The following PEX5L variants were observed in gnomAD, a reference collection of about 807,000 sequenced individuals.
PEX5L encodes the protein PEX5-related protein.
In PEX5L, 30 loss-of-function variants were observed where a neutral mutation model predicts 84.0. That is an observed-to-expected ratio of 0.36 (90% CI 0.27 to 0.48). PEX5L has a LOEUF of 0.48. Among genes scored for constraint, PEX5L ranks in the 20% least tolerant of loss-of-function variants. The probability of loss-of-function intolerance (pLI) is 0.99; values close to 1 mark genes in which losing one functional copy is unlikely to be tolerated. For synonymous variants in PEX5L, 270 were observed against 283.1 expected, an observed-to-expected ratio of 0.95 and a Z score of 0.46; for missense variants, 533 against 754.6, an observed-to-expected ratio of 0.71 and a Z score of 3.44.
intron 1 of PEX5L, among the ~76,000 whole-genome samples, chr3:180,009,048 T>C (rs1340238563): frequency 6.6e-6 from 1 of 152,246 alleles, no homozygotes; most frequent in East Asian, 1.9e-4. Flanking sequence ...ATTTTACTCA[T>C]CATTGCTATT....
chr3:179,956,470 T>C (rs1040781828), intron 2 of PEX5L, among the ~76,000 whole-genome samples: 1 of 152,192 alleles, frequency 6.6e-6, no homozygotes, highest in African/African-American at 2.4e-5. Flanking sequence ...TACAAGTTGC[T>C]TAGACTTCAA....
At chr3:179,895,869 T>C (rs547812038) in intron 3 of PEX5L, among the ~76,000 whole-genome samples, 187 of 152,276 alleles carry the variant, frequency 1.2e-3, no homozygotes, top group Non-Finnish European at 2.2e-3. Context: ...GTAGTAATTA[T>C]CTTCAGACAT....
At chr3:179,963,600 T>C (rs904416745) in intron 2 of PEX5L, among the ~76,000 whole-genome samples, 6 of 152,214 alleles carry the variant, frequency 3.9e-5, no homozygotes, top group African/African-American at 9.6e-5. Context: ...ATGGGTTGTA[T>C]ACACAGACTA....
In PEX5L at chr3:179,859,135, C is replaced by G; in HGVS notation, c.749G>C (p.Arg250Pro). The G allele has an allele frequency of 6.2e-7, 1 of 1,613,762 alleles. No individual in the cohort carries two copies. Among genetic ancestry groups the G allele is most frequent in the East Asian group, 2.2e-5 (1 of 44,876 alleles). The change falls in exon 8 of 15, where the codon CGC (arginine) becomes CCC (proline). Residue 250 changes from arginine (R) to proline (P), a missense_variant. Coordinates refer to ENST00000467460, the MANE Select transcript of PEX5L (RefSeq NM_016559.3). ...PTQARLTKEH[R>P]WGSALLSRNH... ...TCTAGAAAGTAATGCGCTTCCCCAG[C>G]GATGTTCTTTGGTCAGTCGAGCCTG...
intron 14 of PEX5L, among the ~76,000 whole-genome samples, chr3:179,803,255 T>A (rs997687786): frequency 6.6e-6 from 1 of 152,202 alleles, no homozygotes; most frequent in Admixed American, 6.5e-5. Flanking sequence ...TGTTTGTGTT[T>A]TGGAAAATAT....
intron 1 of PEX5L, among the ~76,000 whole-genome samples, chr3:179,976,299 G>A (rs1336175496): frequency 6.6e-6 from 1 of 152,216 alleles, no homozygotes; most frequent in Non-Finnish European, 1.5e-5. Flanking sequence ...TGGCATTTTG[G>A]AAGTCATTAA....
chr3:179,976,157 G>A (rs113305749), intron 1 of PEX5L, among the ~76,000 whole-genome samples: 3 of 152,246 alleles, frequency 2.0e-5, no homozygotes, highest in African/African-American at 7.2e-5. Context: ...CTCAGTAAAT[G>A]ATGAGGAAGA....
chr3:180,031,433 C>T lies in PEX5L; in HGVS notation c.21+5146G>A, dbSNP rs549144859. Among the ~76,000 whole-genome samples the T allele has an allele frequency of 4.6e-5, 7 of 152,262 alleles. 1 individual carries two copies. Among genetic ancestry groups the T allele is most frequent in the African/African-American group, 1.7e-4 (7 of 41,536 alleles). ...CTTCATAGCACTCTGGCCTTGGATT[C>T]ATGCAATAGTTCAAGATGATTTGTG... On this transcript the variant is annotated intron_variant, in intron 1 of 14. Coordinates refer to ENST00000467460, the MANE Select transcript of PEX5L (RefSeq NM_016559.3).
Position 180,006,271 on chromosome 3 carries a change from G to A in PEX5L, c.21+30308C>T, listed in dbSNP as rs948610773. Among the ~76,000 whole-genome samples, 7 of 151,410 alleles carry A rather than the reference G, an allele frequency of 4.6e-5. No homozygotes were observed. The East Asian group carries it at 5.8e-4, about 13-fold the overall frequency. ...TCATACCAGGCCTTATATTCCCTTC[G>A]CCACTTCCTTCTTTATTATTATTTT... On this transcript the variant is annotated intron_variant, in intron 1 of 14. Coordinates refer to ENST00000467460, the MANE Select transcript of PEX5L (RefSeq NM_016559.3).
At chr3:179,953,518 G>C (rs1779677387) in intron 2 of PEX5L, among the ~76,000 whole-genome samples, 1 of 152,070 alleles carries the variant, frequency 6.6e-6, no homozygotes, top group African/African-American at 2.4e-5. Flanking sequence ...ATTGCATGCA[G>C]GTGTAACCAA....
intron 1 of PEX5L, among the ~76,000 whole-genome samples, chr3:180,024,418 G>T (rs1156417261): frequency 7.1e-6 from 1 of 140,908 alleles, no homozygotes; most frequent in East Asian, 2.0e-4. Context: ...GGTGGCAGGC[G>T]CCTGTAGTCC....
At chr3:179,998,312 C>A (rs964998811) in intron 1 of PEX5L, among the ~76,000 whole-genome samples, 1 of 152,152 alleles carries the variant, frequency 6.6e-6, no homozygotes, top group African/African-American at 2.4e-5. Context: ...GATTAAGTAA[C>A]CCGAAAGTCT....
At chr3:179,880,922 G>T (rs1753948123) in intron 4 of PEX5L, 1 of 152,218 alleles carries the variant, frequency 6.6e-6, no homozygotes, top group Admixed American at 6.5e-5. Flanking sequence ...CTCATTGTGA[G>T]AGATAGAAAA....
At chr3:180,006,660 T>C (rs1355669135) in intron 1 of PEX5L, among the ~76,000 whole-genome samples, 1 of 152,210 alleles carries the variant, frequency 6.6e-6, no homozygotes, top group East Asian at 1.9e-4. Flanking sequence ...TCCACATGGC[T>C]GGGGAGGCCT....
chr3:179,898,316 C>T, intron 2 of PEX5L, 70 bp from the exon 3 acceptor site: 1 of 1,123,956 alleles, frequency 8.9e-7, no homozygotes, highest in Non-Finnish European at 1.3e-6. Context: ...ACAAGATATT[C>T]TAATGTTTAA....
rs1163373134 is a variant in PEX5L at position 179,847,717 on chromosome 3, GTTTTGT to G, written c.822+11339_822+11344del. ...TATAAAAAGTTTTTTTTTGAGACAA[GTTTTGT>G]TTTTTTTGAGACAGGTTCTCTCTCT... On this transcript the variant is annotated intron_variant, in intron 8 of 14. Transcript: ENST00000467460. Among the ~76,000 whole-genome samples, 12 of 152,158 alleles carry G rather than the reference GTTTTGT, an allele frequency of 7.9e-5. No homozygotes were observed. In the East Asian group the frequency reaches 2.3e-3, roughly 29 times the overall value.
chr3:179,975,138 A>C (rs1441994971), intron 1 of PEX5L, among the ~76,000 whole-genome samples: 2 of 152,190 alleles, frequency 1.3e-5, no homozygotes, highest in Non-Finnish European at 1.5e-5. Context: ...GCAGTAAGCC[A>C]TGAATGCACT....
intron 2 of PEX5L, among the ~76,000 whole-genome samples, chr3:179,947,547 A>G (rs890440490): frequency 1.2e-4 from 19 of 152,186 alleles, no homozygotes; most frequent in Middle Eastern, 3.4e-3. Flanking sequence ...ACAGTAGTAG[A>G]ATAACACAGG....
At chr3:179,876,710 A>T (rs972433968) in intron 5 of PEX5L, among the ~76,000 whole-genome samples, 1 of 152,126 alleles carries the variant, frequency 6.6e-6, no homozygotes, top group Non-Finnish European at 1.5e-5. Context: ...AACTCTACTC[A>T]TTAAACACGA....
Sources: gnomAD v4.1 joint callset for allele counts (sites outside exome capture counted in the v4.1 genomes callset) on GRCh38, gnomAD v4.1.1 for gene constraint, MANE v1.5 for transcripts, NCBI Gene and HGNC (gene_info 2026-07-23, HGNC 2026-07-21) for gene names.